The following GPHN variants were observed in gnomAD, a reference collection of about 807,000 sequenced individuals.
The protein encoded by GPHN is gephyrin.
Under a neutral mutation model 95.5 loss-of-function variants are expected in GPHN, and 17 were observed. That is an observed-to-expected ratio of 0.18 (90% CI 0.12 to 0.27). The LOEUF is 0.27. Ranked by LOEUF, GPHN falls within the 10% of genes least tolerant of loss-of-function variation. The pLI, the probability that GPHN is intolerant of heterozygous loss-of-function variation, is 1.00. For synonymous variants in GPHN, 320 were observed against 322.5 expected (o/e 0.99, Z 0.08); for missense variants, 660 against 978.1 (o/e 0.67, Z 4.34).
chr14:67,390,710 CA>C, the GPHN span: 1 of 1,613,902 alleles, frequency 6.2e-7, no homozygotes, highest in South Asian at 1.1e-5. Flanking sequence ...TTCCTTAGAA[CA>C]AAGCGACGCA....
chr14:67,223,897 T>C, the GPHN span: 1 of 985,470 alleles, frequency 1.0e-6, no homozygotes, highest in African/African-American at 1.7e-5. Context: ...GGCTGAATCT[T>C]AATACCTCAT....
At chr14:66,824,341 C>CT in intron 3 of GPHN, 133 bp from the exon 4 acceptor site, 1 of 610,964 alleles carries the variant, frequency 1.6e-6, no homozygotes, top group African/African-American at 1.8e-5. Context: ...ATGAATTGTG[C>CT]TTAGAAATTT....
the GPHN span, among the ~76,000 whole-genome samples, chr14:67,396,061 C>T: frequency 1.9e-4 from 29 of 152,306 alleles, no homozygotes; most frequent in African/African-American, 6.7e-4. Context: ...TTTCCTGTGT[C>T]TAAGCATCAA....
the GPHN span, among the ~76,000 whole-genome samples, chr14:67,379,654 C>CTTTTTTTTTTTTTT: frequency 7.4e-4 from 89 of 119,946 alleles, 1 homozygote; most frequent in African/African-American, 1.3e-3. Flanking sequence ...TTTTCTTTTT[C>CTTTTTTTTTTTTTT]TTTTTTTTTT....
At chr14:66,602,711 A>G (rs1038526591) in intron 1 of GPHN, among the ~76,000 whole-genome samples, 5 of 151,910 alleles carry the variant, frequency 3.3e-5, no homozygotes, top group African/African-American at 1.2e-4. Flanking sequence ...GGAAAATTCA[A>G]GGTCAAAAGT....
chr14:67,205,845 A>G, the GPHN span, among the ~76,000 whole-genome samples: 1 of 152,182 alleles, frequency 6.6e-6, no homozygotes, highest in African/African-American at 2.4e-5. Context: ...TTATAGGTAA[A>G]GAGATCTGTT....
the GPHN span, among the ~76,000 whole-genome samples, chr14:67,266,170 T>G: frequency 1.3e-5 from 2 of 152,088 alleles, no homozygotes; most frequent in Non-Finnish European, 2.9e-5. Context: ...GAATATATGT[T>G]TAAAATTAAA....
At chr14:66,662,203 C>T (rs1340120863) in intron 1 of GPHN, among the ~76,000 whole-genome samples, 2 of 152,196 alleles carry the variant, frequency 1.3e-5, no homozygotes, top group African/African-American at 4.8e-5. Flanking sequence ...TGATCCCACT[C>T]TTCCTGACTG....
At chr14:66,805,184 A>G (rs2060498997) in intron 3 of GPHN, among the ~76,000 whole-genome samples, 2 of 152,184 alleles carry the variant, frequency 1.3e-5, no homozygotes, top group South Asian at 4.1e-4. Flanking sequence ...GCGGCAGGCA[A>G]AGAGGGAGCT....
chr14:67,616,627 T>C, the GPHN span: 1 of 151,832 alleles, frequency 6.6e-6, no homozygotes. Flanking sequence ...TTAAAGATAA[T>C]AGGACTACAG....
At chr14:67,062,623 A>G (rs1461158938) in intron 11 of GPHN, among the ~76,000 whole-genome samples, 1 of 152,240 alleles carries the variant, frequency 6.6e-6, no homozygotes, top group Non-Finnish European at 1.5e-5. Flanking sequence ...AGTATAGTAC[A>G]TGAAACACTT....
the GPHN span, among the ~76,000 whole-genome samples, chr14:67,482,217 C>T: frequency 4.6e-5 from 7 of 152,090 alleles, no homozygotes; most frequent in African/African-American, 1.4e-4. Flanking sequence ...AGCATCTCAC[C>T]GGCTGCTCTC....
chr14:66,992,681 A>T (rs1371789765), intron 9 of GPHN, among the ~76,000 whole-genome samples: 1 of 152,074 alleles, frequency 6.6e-6, no homozygotes, highest in Non-Finnish European at 1.5e-5. Context: ...TTGTACTTTT[A>T]TTTTTATTGA....
chr14:67,439,586 T>TTTCTTTCTTTCTTTCTTTC, the GPHN span, among the ~76,000 whole-genome samples: 86 of 139,606 alleles, frequency 6.2e-4, no homozygotes, highest in South Asian at 2.6e-3. Flanking sequence ...TCTTTCTTTC[T>TTTCTTTCTTTCTTTCTTTC]TTCTTTCTTC....
the GPHN span, among the ~76,000 whole-genome samples, chr14:67,375,676 C>T: frequency 1.3e-5 from 2 of 152,254 alleles, no homozygotes; most frequent in East Asian, 1.9e-4. Context: ...GTGTGGTTTA[C>T]ACATTTGAAA....
chr14:67,400,669 G>T, the GPHN span, among the ~76,000 whole-genome samples: 1 of 151,916 alleles, frequency 6.6e-6, no homozygotes, highest in Admixed American at 6.6e-5. Flanking sequence ...GGAGGGAGGT[G>T]GGAGGTGGAG....
At chr14:67,656,576 G>A in the GPHN span, 2 of 1,601,512 alleles carry the variant, frequency 1.2e-6, no homozygotes, top group Non-Finnish European at 1.7e-6. Context: ...TGCCCTTTGA[G>A]ACTGTAGCCG....
chr14:67,591,111 A>G, the GPHN span, among the ~76,000 whole-genome samples: 1 of 152,192 alleles, frequency 6.6e-6, no homozygotes, highest in Non-Finnish European at 1.5e-5. Flanking sequence ...ATACAAATAC[A>G]TAATATTCAG....
At chr14:67,108,559 G>T (rs2078174334) in intron 13 of GPHN, among the ~76,000 whole-genome samples, 1 of 152,156 alleles carries the variant, frequency 6.6e-6, no homozygotes, top group Non-Finnish European at 1.5e-5. Context: ...AGCATAGATT[G>T]TGGGTTCAAT....
Sources: allele counts gnomAD v4.1 joint callset (sites outside exome capture counted in the v4.1 genomes callset), GRCh38; gene constraint gnomAD v4.1.1; transcripts MANE v1.5; gene names NCBI Gene and HGNC (gene_info 2026-07-23, HGNC 2026-07-21).